FOCAD: variants seen among roughly 807,000 people sequenced by gnomAD.
FOCAD encodes KIAA1797.
A neutral mutation model predicts 225.6 loss-of-function variants in FOCAD; 198 were observed. That is an observed-to-expected ratio of 0.88 (90% CI 0.78 to 0.99). The LOEUF (loss-of-function observed/expected upper bound fraction) is 0.99, where lower values mean the gene tolerates loss of function less well. Among genes scored for constraint, FOCAD ranks in the 50% least tolerant of loss-of-function variants. The pLI, the probability that FOCAD is intolerant of heterozygous loss-of-function variation, is 0.00. For missense variants in FOCAD, 2,713 were observed against 2,123.6 expected, an observed-to-expected ratio of 1.28 and a Z score of -5.46; for synonymous variants, 897 against 755.0, an observed-to-expected ratio of 1.19 and a Z score of -3.08.
intron 10 of FOCAD, among the ~76,000 whole-genome samples, chr9:20,787,529 A>G (rs911509486): frequency 6.6e-6 from 1 of 150,992 alleles, no homozygotes; most frequent in South Asian, 2.1e-4. Flanking sequence ...TTTCTTCTTC[A>G]TGGGAAGAAA....
intron 35 of FOCAD, among the ~76,000 whole-genome samples, chr9:20,972,843 C>T (rs932241756): frequency 6.6e-6 from 1 of 152,094 alleles, no homozygotes; most frequent in Non-Finnish European, 1.5e-5. Flanking sequence ...TCCTTGTTCC[C>T]ATGCTTCTCC....
chr9:20,716,897 T>C (rs1342900801), intron 2 of FOCAD, among the ~76,000 whole-genome samples: 1 of 152,214 alleles, frequency 6.6e-6, no homozygotes, highest in African/African-American at 2.4e-5. Context: ...AGAAGCACTG[T>C]ATATCATAGA....
intron 38 of FOCAD, 151 bp from the exon 39 acceptor site, chr9:20,982,206 G>T (rs1840759855): frequency 4.1e-6 from 2 of 492,724 alleles, no homozygotes; most frequent in East Asian, 3.2e-5. Flanking sequence ...TCTTCAAAAT[G>T]ATAAAAATTG....
intron 28 of FOCAD, among the ~76,000 whole-genome samples, chr9:20,934,155 G>A (rs1244762000): frequency 6.6e-6 from 1 of 152,050 alleles, no homozygotes; most frequent in African/African-American, 2.4e-5. Flanking sequence ...CCCACTCTGT[G>A]GGTTGTCTGT....
At chr9:20,664,859 C>T (rs1821850390) in intron 2 of FOCAD, among the ~76,000 whole-genome samples, 1 of 151,954 alleles carries the variant, frequency 6.6e-6, no homozygotes, top group South Asian at 2.1e-4. Flanking sequence ...ACTTTAAATA[C>T]ATAAAGTTTA....
chr9:20,767,394 T>C (rs200254642), intron 7 of FOCAD, among the ~76,000 whole-genome samples: 51,575 of 110,398 alleles, frequency 0.47, 14,807 homozygotes, highest in Non-Finnish European at 0.57. Flanking sequence ...CCTGAGGAAT[T>C]GCCACACTGA....
intron 2 of FOCAD, among the ~76,000 whole-genome samples, chr9:20,661,240 T>C (rs1312767451): frequency 6.6e-6 from 1 of 151,994 alleles, no homozygotes; most frequent in Non-Finnish European, 1.5e-5. Flanking sequence ...CAAAGACTAG[T>C]AAAAGGACTG....
At chr9:20,866,888 CTTTTTTTTTTTTTTT>C (rs10629839) in intron 17 of FOCAD, 26 bp from the exon 18 acceptor site, 488 of 341,940 alleles carry the variant, frequency 1.4e-3, no homozygotes, top group Admixed American at 8.7e-3. Context: ...TGTTTGCTTG[CTTTTTTTTTTTTTTT>C]TTTTTTTTTT....
chr9:20,747,872 G>C (rs1289442238), intron 5 of FOCAD, among the ~76,000 whole-genome samples: 1 of 133,870 alleles, frequency 7.5e-6, no homozygotes, highest in Non-Finnish European at 1.6e-5. Context: ...ACTACTTTTT[G>C]TAAGTTATTG....
At chr9:20,791,530 C>G (rs1820538811) in intron 11 of FOCAD, among the ~76,000 whole-genome samples, 1 of 152,128 alleles carries the variant, frequency 6.6e-6, no homozygotes, top group African/African-American at 2.4e-5. Flanking sequence ...TTTATTACCT[C>G]TAGTATTTAG....
At chr9:20,928,150 A>G (rs1201158778) in intron 26 of FOCAD, among the ~76,000 whole-genome samples, 1 of 152,154 alleles carries the variant, frequency 6.6e-6, no homozygotes, top group African/African-American at 2.4e-5. Context: ...AGGACACTGT[A>G]TGAAATTTCT....
chr9:20,878,828 C>G (rs1189287171), intron 19 of FOCAD, among the ~76,000 whole-genome samples: 2 of 152,106 alleles, frequency 1.3e-5, no homozygotes, highest in Non-Finnish European at 2.9e-5. Context: ...TGGTGTAACT[C>G]TCAATCTGAG....
chr9:20,767,274 G>A (rs1462733835), intron 7 of FOCAD, among the ~76,000 whole-genome samples: 38 of 147,268 alleles, frequency 2.6e-4, no homozygotes, highest in East Asian at 1.2e-3. Flanking sequence ...GAATAATGCC[G>A]CAATAAACAT....
intron 35 of FOCAD, among the ~76,000 whole-genome samples, chr9:20,970,269 A>C (rs1009433091): frequency 2.6e-5 from 4 of 152,026 alleles, no homozygotes; most frequent in Non-Finnish European, 4.4e-5. Context: ...GTTTTAGGCC[A>C]TTACTTTTTC....
intron 15 of FOCAD, among the ~76,000 whole-genome samples, chr9:20,823,895 A>G (rs1177345410): frequency 2.6e-5 from 4 of 152,096 alleles, no homozygotes; most frequent in Admixed American, 2.6e-4. Context: ...AGCACTTTTT[A>G]TGTATTTTTC....
chr9:20,764,642 A>G (rs1024795066), intron 6 of FOCAD, among the ~76,000 whole-genome samples: 5 of 152,372 alleles, frequency 3.3e-5, no homozygotes, highest in South Asian at 2.1e-4. Context: ...CATCCTGGGC[A>G]TCTAGCTTAC....
intron 30 of FOCAD, among the ~76,000 whole-genome samples, chr9:20,947,475 T>C (rs1011930620): frequency 2.0e-5 from 3 of 152,066 alleles, no homozygotes; most frequent in Non-Finnish European, 2.9e-5. Flanking sequence ...AGTAGAATGG[T>C]GGTTGCTCGG....
intron 15 of FOCAD, among the ~76,000 whole-genome samples, chr9:20,854,637 G>C (rs542830806): frequency 6.6e-6 from 1 of 151,572 alleles, no homozygotes; most frequent in Non-Finnish European, 1.5e-5. Flanking sequence ...AGATTCTTGC[G>C]GAAGAATGAC....
At chr9:20,863,781 T>C (rs1003040338) in intron 16 of FOCAD, among the ~76,000 whole-genome samples, 2 of 152,100 alleles carry the variant, frequency 1.3e-5, no homozygotes, top group Non-Finnish European at 2.9e-5. Flanking sequence ...TAAGGCCATA[T>C]TGGGTATATT....
Sources: gnomAD v4.1 joint callset for allele counts (sites outside exome capture counted in the v4.1 genomes callset) on GRCh38, gnomAD v4.1.1 for gene constraint, MANE v1.5 for transcripts, NCBI Gene and HGNC (gene_info 2026-07-23, HGNC 2026-07-21) for gene names.